KLF8: variants seen among roughly 807,000 people sequenced by gnomAD.
KLF8 encodes the protein Krueppel-like factor 8.
Under a neutral mutation model 18.2 loss-of-function variants are expected in KLF8, and 10 were observed. The observed-to-expected ratio is 0.55, with a 90% CI of 0.34 to 0.93. KLF8 has a LOEUF of 0.93. Ranked by LOEUF, KLF8 falls within the 40% of genes least tolerant of loss-of-function variation. The pLI is 0.02. For synonymous variants in KLF8, 109 were observed against 97.3 expected, an observed-to-expected ratio of 1.12 and a Z score of -0.71; for missense variants, 264 against 277.9, an observed-to-expected ratio of 0.95 and a Z score of 0.36.
chrX:56,121,471 C>T, the KLF8 span, among the ~76,000 whole-genome samples: 17 of 112,409 alleles, frequency 1.5e-4, no homozygotes, highest in Non-Finnish European at 2.6e-4. Context: ...TATATCCTGA[C>T]TCCTTTAGTT....
At chrX:56,045,455 G>A in the KLF8 span, among the ~76,000 whole-genome samples, 9 of 111,389 alleles carry the variant, frequency 8.1e-5, no homozygotes, top group East Asian at 8.5e-4. Flanking sequence ...GTATTTTTAC[G>A]GGAATTGCAT....
chrX:56,129,655 A>G, the KLF8 span, among the ~76,000 whole-genome samples: 1 of 111,361 alleles, frequency 9.0e-6, no homozygotes, highest in Non-Finnish European at 1.9e-5. Flanking sequence ...CTTGAACCAA[A>G]CGTGAAGTCT....
chrX:56,013,405 G>T, the KLF8 span, among the ~76,000 whole-genome samples: 1 of 111,715 alleles, frequency 9.0e-6, no homozygotes, highest in Non-Finnish European at 1.9e-5. Flanking sequence ...TTTGGACTTG[G>T]AATTTTGGGT....
intron 3 of KLF8, chrX:56,266,483 T>A: frequency 1.3e-6 from 1 of 747,375 alleles, no homozygotes; most frequent in Non-Finnish European, 1.6e-6. Context: ...TGCTAGGAGT[T>A]GTCTTGCAAC....
the KLF8 span, among the ~76,000 whole-genome samples, chrX:56,045,606 T>C: frequency 1.8e-5 from 2 of 112,020 alleles, no homozygotes; most frequent in East Asian, 2.8e-4. Flanking sequence ...TTTGTTTTCG[T>C]AGATGTCTTT....
At chrX:56,266,097 C>T (rs2066969485) in intron 3 of KLF8, 1 of 782,756 alleles carries the variant, frequency 1.3e-6, no homozygotes, top group East Asian at 1.1e-4. Flanking sequence ...AGATAAACCA[C>T]ATGCTTCAAA....
chrX:56,025,279 A>G, the KLF8 span, among the ~76,000 whole-genome samples: 1 of 112,288 alleles, frequency 8.9e-6, no homozygotes, highest in Non-Finnish European at 1.9e-5. Flanking sequence ...CTCTCCTTTT[A>G]TTAAGATATT....
chrX:56,227,918 C>CACACACACA (rs1292032640), upstream of KLF8, among the ~76,000 whole-genome samples: 1 of 101,805 alleles, frequency 9.8e-6, no homozygotes, highest in African/African-American at 3.5e-5. Context: ...CACACACACA[C>CACACACACA]CTAGTCAAGC....
chrX:56,249,462 AATATGTAAGGAGGAAGC>A, intron 1 of KLF8, among the ~76,000 whole-genome samples: 1 of 112,236 alleles, frequency 8.9e-6, no homozygotes, highest in East Asian at 2.8e-4. Context: ...CTGAACTTGA[AATATGTAAGGAGGAAGC>A]TTTAAGCTAA....
the KLF8 span, among the ~76,000 whole-genome samples, chrX:56,081,596 T>C: frequency 1.8e-5 from 2 of 112,270 alleles, no homozygotes; most frequent in African/African-American, 3.2e-5. Flanking sequence ...CTTTTGTGTA[T>C]GATTTAGCTA....
the KLF8 span, among the ~76,000 whole-genome samples, chrX:56,080,200 G>A: frequency 9.1e-6 from 1 of 109,727 alleles, no homozygotes; most frequent in Non-Finnish European, 1.9e-5. Context: ...TATGATGTTA[G>A]TTGGTTATTT....
At chrX:55,945,856 G>A in the KLF8 span, among the ~76,000 whole-genome samples, 2 of 110,943 alleles carry the variant, frequency 1.8e-5, no homozygotes, top group South Asian at 3.8e-4. Flanking sequence ...CAGACAGAGA[G>A]CCAAATCATG....
At chrX:55,917,529 T>C in the KLF8 span, among the ~76,000 whole-genome samples, 1 of 111,989 alleles carries the variant, frequency 8.9e-6, no homozygotes, top group Non-Finnish European at 1.9e-5. Flanking sequence ...GTGTTAAAGT[T>C]ATCCCGTTTT....
At chrX:56,115,957 A>G in the KLF8 span, among the ~76,000 whole-genome samples, 1 of 112,696 alleles carries the variant, frequency 8.9e-6, no homozygotes, top group East Asian at 2.8e-4. Flanking sequence ...TGTGAAAGCT[A>G]TTCCATTACT....
At chrX:56,100,259 AAT>A in the KLF8 span, among the ~76,000 whole-genome samples, 1 of 111,036 alleles carries the variant, frequency 9.0e-6, no homozygotes, top group Admixed American at 9.6e-5. Flanking sequence ...TAGTTTAATG[AAT>A]ATTTTAAGCC....
At chrX:56,120,908 C>A in the KLF8 span, among the ~76,000 whole-genome samples, 1 of 111,227 alleles carries the variant, frequency 9.0e-6, no homozygotes, top group African/African-American at 3.3e-5. Flanking sequence ...AATTCCGGGC[C>A]GAACACAGTG....
chrX:56,159,958 C>T, the KLF8 span, among the ~76,000 whole-genome samples: 3 of 111,380 alleles, frequency 2.7e-5, no homozygotes, highest in Non-Finnish European at 5.6e-5. Flanking sequence ...TCTTGCTTCT[C>T]TAGTTCTTTT....
chrX:56,266,373 C>T, intron 3 of KLF8: 1 of 734,253 alleles, frequency 1.4e-6, no homozygotes, highest in Non-Finnish European at 1.6e-6. Context: ...TTGCCTGTAT[C>T]ACAAGAGTTT....
chrX:56,142,007 C>T, the KLF8 span, among the ~76,000 whole-genome samples: 1 of 112,138 alleles, frequency 8.9e-6, no homozygotes, highest in Non-Finnish European at 1.9e-5. Flanking sequence ...TTTGCTTATG[C>T]TGTTTCTTGT....
Sources: gnomAD v4.1 joint callset for allele counts (sites outside exome capture counted in the v4.1 genomes callset) on GRCh38, gnomAD v4.1.1 for gene constraint, MANE v1.5 for transcripts, NCBI Gene and HGNC (gene_info 2026-07-23, HGNC 2026-07-21) for gene names.